Variants in RBFOX1 observed in about 807,000 individuals in gnomAD.
RBFOX1 encodes the protein RNA binding protein fox-1 homolog 1.
In RBFOX1, 8 loss-of-function variants were observed where a neutral mutation model predicts 57.7. The ratio of observed to expected loss-of-function variants is 0.14; its 90% CI spans 0.08 to 0.25. RBFOX1 has a LOEUF of 0.25. Ranked by LOEUF, RBFOX1 falls within the 10% of genes least tolerant of loss-of-function variation. The pLI is 1.00. For missense variants in RBFOX1, 611 were observed against 548.5 expected, an observed-to-expected ratio of 1.11 and a Z score of -1.14; for synonymous variants, 326 against 222.4, an observed-to-expected ratio of 1.47 and a Z score of -4.15.
At chr16:6,067,917 C>T (rs949237942) in intron 1 of RBFOX1, among the ~76,000 whole-genome samples, 1 of 152,282 alleles carries the variant, frequency 6.6e-6, no homozygotes, top group African/African-American at 2.4e-5. Context: ...AATTTATGAT[C>T]ATAAATGCCA....
At chr16:5,700,687 G>T (rs4786761) in intron 3 of RBFOX1, among the ~76,000 whole-genome samples, 1 of 152,020 alleles carries the variant, frequency 6.6e-6, no homozygotes, top group Non-Finnish European at 1.5e-5. Context: ...GTTTTTGCCC[G>T]CTTCTGAGAC....
At chr16:5,706,424 G>A (rs1256362036) in intron 3 of RBFOX1, among the ~76,000 whole-genome samples, 1 of 152,198 alleles carries the variant, frequency 6.6e-6, no homozygotes, top group African/African-American at 2.4e-5. Context: ...CAGGAAACCT[G>A]CCCTCTTATT....
In RBFOX1 at chr16:5,532,636, C is replaced by G. The variant is rs2044533234; in HGVS notation, c.258+65382C>G. Among the ~76,000 whole-genome samples the G allele has an allele frequency of 2.0e-5, 3 of 152,320 alleles. No individual in the cohort carries two copies. The South Asian group carries it at 6.2e-4, about 32-fold the overall frequency. ...ATGAATTGTGGCAAAGATAGAGGTT[C>G]TTTGCTGAAGATTCTAGCAGTTAAC... is the stretch of plus-strand genomic sequence containing the variant. On this transcript the variant is annotated intron_variant, in intron 2 of 2. Coordinates refer to the RBFOX1 transcript ENST00000585867.
At chr16:7,197,047 G>A (rs115619879) in intron 4 of RBFOX1, among the ~76,000 whole-genome samples, 1 of 152,150 alleles carries the variant, frequency 6.6e-6, no homozygotes, top group Admixed American at 6.5e-5. Context: ...CCATCTTTCA[G>A]CCAGTTGCTC....
chr16:6,071,756 G>T (rs1025519457), intron 1 of RBFOX1, among the ~76,000 whole-genome samples: 2 of 152,112 alleles, frequency 1.3e-5, no homozygotes, highest in African/African-American at 4.8e-5. Flanking sequence ...CCTCCCCGTG[G>T]CTCCTGGTTA....
At chr16:6,390,169 C>G (rs190613080) in intron 2 of RBFOX1, among the ~76,000 whole-genome samples, 7 of 152,278 alleles carry the variant, frequency 4.6e-5, no homozygotes, top group African/African-American at 1.7e-4. Context: ...GCACTGTATG[C>G]GTGCATACAT....
chr16:6,477,795 A>T (rs1386421356), intron 2 of RBFOX1, among the ~76,000 whole-genome samples: 1 of 152,190 alleles, frequency 6.6e-6, no homozygotes, highest in African/African-American at 2.4e-5. Flanking sequence ...AAAATCTGTC[A>T]TTTAGTGTAG....
chr16:7,451,825 C>T (rs1271710307), intron 4 of RBFOX1, among the ~76,000 whole-genome samples: 2 of 152,078 alleles, frequency 1.3e-5, no homozygotes, highest in African/African-American at 4.8e-5. Flanking sequence ...TCTCACCTCC[C>T]AGTTCCCTAA....
At chr16:7,638,044 G>A (rs1369377123) in intron 11 of RBFOX1, among the ~76,000 whole-genome samples, 1 of 152,140 alleles carries the variant, frequency 6.6e-6, no homozygotes, top group Non-Finnish European at 1.5e-5. Context: ...TAATTTGGGT[G>A]TTAAAAGATT....
chr16:7,197,744 G>C (rs924405564), intron 4 of RBFOX1, among the ~76,000 whole-genome samples: 13 of 152,162 alleles, frequency 8.5e-5, no homozygotes, highest in African/African-American at 2.9e-4. Flanking sequence ...TTATTCAACA[G>C]TAAAAATAAG....
At chr16:7,209,185 A>T (rs1433852057) in intron 4 of RBFOX1, among the ~76,000 whole-genome samples, 1 of 139,014 alleles carries the variant, frequency 7.2e-6, no homozygotes, top group South Asian at 2.3e-4. Context: ...TAATAATAAT[A>T]ATTGCAGGGT....
intron 2 of RBFOX1, among the ~76,000 whole-genome samples, chr16:6,523,975 C>G (rs980327913): frequency 1.3e-5 from 2 of 152,106 alleles, no homozygotes; most frequent in African/African-American, 2.4e-5. Context: ...GGGTCTTCAT[C>G]CCTCATGCAT....
intron 2 of RBFOX1, among the ~76,000 whole-genome samples, chr16:6,373,722 A>G (rs2090799129): frequency 6.6e-6 from 1 of 152,140 alleles, no homozygotes; most frequent in Non-Finnish European, 1.5e-5. Context: ...GGATGGTTGG[A>G]TGAGAGGAGT....
chr16:6,166,644 G>C (rs1041499389), intron 1 of RBFOX1, among the ~76,000 whole-genome samples: 1 of 152,014 alleles, frequency 6.6e-6, no homozygotes, highest in African/African-American at 2.4e-5. Context: ...TGAGCATAAC[G>C]CCGGTCCCTG....
intron 3 of RBFOX1, among the ~76,000 whole-genome samples, chr16:6,699,438 G>C (rs1409900873): frequency 6.6e-6 from 1 of 152,080 alleles, no homozygotes; most frequent in Non-Finnish European, 1.5e-5. Context: ...CTTTGAAGGA[G>C]AAGCCTGCAT....
chr16:6,360,015 G>T (rs947276179), intron 2 of RBFOX1, among the ~76,000 whole-genome samples: 1 of 152,098 alleles, frequency 6.6e-6, no homozygotes, highest in African/African-American at 2.4e-5. Flanking sequence ...AGAACGTGAG[G>T]AACAATTTTG....
At chr16:6,119,542 C>T (rs2096532798) in intron 1 of RBFOX1, among the ~76,000 whole-genome samples, 1 of 152,158 alleles carries the variant, frequency 6.6e-6, no homozygotes, top group Admixed American at 6.5e-5. Context: ...TCCTCTCATG[C>T]CCTGTACATG....
chr16:6,584,121 C>T (rs2097573417), intron 2 of RBFOX1, among the ~76,000 whole-genome samples: 1 of 151,926 alleles, frequency 6.6e-6, no homozygotes, highest in East Asian at 1.9e-4. Context: ...AAGTCAGAGT[C>T]TCCTAATGTA....
chr16:7,279,880 G>C (rs2141110076), intron 4 of RBFOX1, among the ~76,000 whole-genome samples: 1 of 152,284 alleles, frequency 6.6e-6, no homozygotes, highest in African/African-American at 2.4e-5. Flanking sequence ...AGGCTGAAAG[G>C]GAAATTGATC....
Sources: gnomAD v4.1 joint callset for allele counts (sites outside exome capture counted in the v4.1 genomes callset) on GRCh38, gnomAD v4.1.1 for gene constraint, MANE v1.5 for transcripts, NCBI Gene and HGNC (gene_info 2026-07-23, HGNC 2026-07-21) for gene names.